KDM8: variants seen among roughly 807,000 people sequenced by gnomAD.
KDM8 encodes the protein lysine demethylase 8.
In KDM8, 35 loss-of-function variants were observed where a neutral mutation model predicts 46.9. That is an observed-to-expected ratio of 0.75 (90% CI 0.57 to 0.99). KDM8 has a LOEUF of 0.99. KDM8 is among the 50% of genes least tolerant of loss of function. The pLI, the probability that KDM8 is intolerant of heterozygous loss-of-function variation, is 0.00. For synonymous variants in KDM8, 232 were observed against 227.7 expected (o/e 1.02, Z -0.17); for missense variants, 475 against 537.0 (o/e 0.88, Z 1.14).
At chr16:27,205,454 G>A (rs1297141602) in intron 1 of KDM8, among the ~76,000 whole-genome samples, 1 of 152,104 alleles carries the variant, frequency 6.6e-6, no homozygotes, top group Non-Finnish European at 1.5e-5. Context: ...CCTGAAAGCT[G>A]TTCCAGGTTA....
At chr16:27,203,962 T>C in intron 1 of KDM8, 1 of 645,444 alleles carries the variant, frequency 1.5e-6, no homozygotes, top group Non-Finnish European at 2.6e-6. Flanking sequence ...TGGCGTCGCG[T>C]TGGTGTAGGC....
chr16:27,208,158 C>T (rs1326645978), intron 1 of KDM8, among the ~76,000 whole-genome samples: 1 of 152,208 alleles, frequency 6.6e-6, no homozygotes, highest in East Asian at 1.9e-4. Flanking sequence ...GCCATCTTTC[C>T]CAGAAGGCTG....
chr16:27,213,500 CCCCT>C, intron 2 of KDM8, 81 bp from the exon 3 acceptor site: 2 of 1,424,472 alleles, frequency 1.4e-6, no homozygotes, highest in Non-Finnish European at 1.9e-6. Flanking sequence ...AGCTCTCCTA[CCCCT>C]GACACAGGTT....
chr16:27,213,610 T>C lies in KDM8; in HGVS notation c.524T>C (p.Ile175Thr). 6.2e-7 allele frequency: 1 copy of C among 1,614,122 alleles called. No homozygotes were observed. The highest frequency in any genetic ancestry group is 8.5e-7 in the Non-Finnish European group (1 of 1,180,016). ...TKKARADHGL[I>T]PDVKLEKTVP... ...AAAGCAAGGGCGGACCATGGTTTGATTCCAGATGTGAAGTTAGAAAAAACA... is the reference window on the plus strand; with the variant it reads ...AAAGCAAGGGCGGACCATGGTTTGACTCCAGATGTGAAGTTAGAAAAAACA... The change falls in exon 3 of 8, where the codon ATT becomes ACT. Residue 175 changes from isoleucine to threonine, a missense_variant. Coordinates refer to ENST00000286096, the MANE Select transcript of KDM8 (RefSeq NM_024773.3).
chr16:27,220,135 C>A (rs2083600938), intron 6 of KDM8, among the ~76,000 whole-genome samples: 1 of 152,138 alleles, frequency 6.6e-6, no homozygotes, highest in Non-Finnish European at 1.5e-5. Context: ...GCAGGAGGAT[C>A]TCTGGAGGCC....
intron 1 of KDM8, among the ~76,000 whole-genome samples, chr16:27,209,825 G>A (rs2083462939): frequency 6.6e-6 from 1 of 152,192 alleles, no homozygotes; most frequent in Admixed American, 6.5e-5. Flanking sequence ...CAGCGGAGGG[G>A]TATGGGAGGC....
intron 1 of KDM8, among the ~76,000 whole-genome samples, chr16:27,208,727 A>G (rs1449883473): frequency 2.0e-5 from 3 of 152,172 alleles, no homozygotes; most frequent in Non-Finnish European, 4.4e-5. Flanking sequence ...GGATGGGCCC[A>G]TGTGGTGTCT....
At chr16:27,204,631 T>G (rs2083410067) in intron 1 of KDM8, among the ~76,000 whole-genome samples, 1 of 152,172 alleles carries the variant, frequency 6.6e-6, no homozygotes, top group Non-Finnish European at 1.5e-5. Context: ...GTGCCCACCC[T>G]GAGACCCTCT....
chr16:27,208,129 C>T (rs1282393131), intron 1 of KDM8, among the ~76,000 whole-genome samples: 1 of 152,212 alleles, frequency 6.6e-6, no homozygotes, highest in Non-Finnish European at 1.5e-5. Flanking sequence ...TTTGTACAGC[C>T]AACTCACAGT....
chr16:27,220,441 G>T lies in KDM8; in HGVS notation c.1042G>T (p.Ala348Ser). 4 of 1,614,132 alleles carry T rather than the reference G, an allele frequency of 2.5e-6. No individual in the cohort carries two copies. The highest frequency in any genetic ancestry group is 1.3e-5 in the African/African-American group (1 of 75,030). ...IRLYSPQESG[A>S]LYPHDTHLLH... ...GCTGTATTCCCCGCAGGAGTCAGGG[G>T]CTCTGTACCCTCATGACACGCACCT... Residue 348 changes from alanine (A) to serine (S), a missense_variant, in exon 7 of 8, where the codon GCT (alanine) becomes TCT (serine). By Grantham distance (99) the Ala-to-Ser change is moderately conservative. Coordinates refer to ENST00000286096, the MANE Select transcript of KDM8 (RefSeq NM_024773.3).
chr16:27,204,381 C>T, intron 1 of KDM8: 1 of 1,281,126 alleles, frequency 7.8e-7, no homozygotes, highest in Non-Finnish European at 9.9e-7. Context: ...ACTGTGTGCC[C>T]CTTAGAGAGC....
At chr16:27,211,160 G>T (rs1485051457) in intron 2 of KDM8, 1 of 447,050 alleles carries the variant, frequency 2.2e-6, no homozygotes, top group African/African-American at 2.1e-5. Flanking sequence ...CGCCCTTTCA[G>T]CAGAGAGGCA....
Position 27,220,865 on chromosome 16 carries a change from C to T in KDM8, c.*135C>T. On this transcript the variant is annotated 3_prime_UTR_variant, in exon 8 of 8. Transcript: ENST00000286096. ...GAGCCTTCACTGCCCAGTGGCAGCCCTGGGGGGCTGAGCTCCAGCACTGGA... is the reference window on the plus strand; with the variant it reads ...GAGCCTTCACTGCCCAGTGGCAGCCTTGGGGGGCTGAGCTCCAGCACTGGA... The T allele has an allele frequency of 2.8e-6, 3 of 1,071,168 alleles. No homozygotes were observed. Among genetic ancestry groups the T allele is most frequent in the Non-Finnish European group, 4.2e-6 (3 of 707,066 alleles). 66.4% of individuals were successfully genotyped at this position (1,071,168 alleles called of 1,614,324 possible). A position where few individuals can be genotyped will look rare whatever the true frequency, so the allele number is the denominator to read the frequency against.
intron 1 of KDM8, among the ~76,000 whole-genome samples, chr16:27,204,669 G>A (rs1330133136): frequency 6.6e-6 from 1 of 152,112 alleles, no homozygotes; most frequent in African/African-American, 2.4e-5. Context: ...TCTCGGAGAG[G>A]CCATTCCACC....
chr16:27,221,722 C>CT lies in KDM8; in HGVS notation c.*993dup, dbSNP rs1307891633. 3 of 152,304 alleles carry CT rather than the reference C, an allele frequency of 2.0e-5. No individual in the cohort carries two copies. 9.4% of individuals were successfully genotyped at this position (152,304 alleles called of 1,614,324 possible). On this transcript the variant is annotated 3_prime_UTR_variant, in exon 8 of 8. Transcript: ENST00000286096. ...GGCCATTAAGATTTTCCCCAGCCCTCTGTTTTTTGTTTTTTAAACTAAATA... is the reference window on the plus strand; with the variant it reads ...GGCCATTAAGATTTTCCCCAGCCCTCTTGTTTTTTGTTTTTTAAACTAAATA...
chr16:27,215,857 GGGGCCAGCTGGACAGCAGCAGCAGGA>G (rs1395655362), intron 4 of KDM8, 62 bp from the exon 5 acceptor site: 26 of 1,376,430 alleles, frequency 1.9e-5, no homozygotes, highest in Non-Finnish European at 2.7e-5. Context: ...TGCTGCAGCT[GGGGCCAGCTGGACAGCAGCAGCAGGA>G]GGGCATCTGT....
chr16:27,213,656 G>A lies in KDM8; in HGVS notation c.570G>A (p.Pro190=), dbSNP rs760068379. Residue 190 remains proline, a synonymous_variant, in exon 3 of 8, where the codon CCG becomes CCA. Coordinates refer to ENST00000286096, the MANE Select transcript of KDM8 (RefSeq NM_024773.3). Reference sequence around the variant, plus strand: ...AAACAGTCCCCCGGCTGCACCGTCCGTCCCTCCAGCATTTCAGGGAGCAGT... The same window carrying A: ...AAACAGTCCCCCGGCTGCACCGTCCATCCCTCCAGCATTTCAGGGAGCAGT... The part of the protein sequence containing the change: ...LEKTVPRLHR[P]SLQHFREQFL... The A allele has an allele frequency of 2.9e-5, 47 of 1,614,044 alleles. No individual in the cohort carries two copies. Among genetic ancestry groups the A allele is most frequent in the Middle Eastern group, 1.6e-4 (1 of 6,084 alleles).
At chr16:27,205,978 G>A (rs565645074) in intron 1 of KDM8, among the ~76,000 whole-genome samples, 2 of 152,338 alleles carry the variant, frequency 1.3e-5, no homozygotes, top group Admixed American at 6.5e-5. Flanking sequence ...TTTGGGTTAC[G>A]GTAGGTGTCA....
intron 5 of KDM8, among the ~76,000 whole-genome samples, chr16:27,216,420 C>T (rs2083554225): frequency 6.6e-6 from 1 of 152,116 alleles, no homozygotes. Flanking sequence ...CTGGGGCGCC[C>T]AGGAGGGACC....
Sources: gnomAD v4.1 joint callset for allele counts (sites outside exome capture counted in the v4.1 genomes callset) on GRCh38, gnomAD v4.1.1 for gene constraint, MANE v1.5 for transcripts, NCBI Gene and HGNC (gene_info 2026-07-23, HGNC 2026-07-21) for gene names.